Variants in WWP2 observed in about 807,000 individuals in gnomAD.
The protein encoded by WWP2 is NEDD4-like E3 ubiquitin-protein ligase WWP2.
A neutral mutation model predicts 121.0 loss-of-function variants in WWP2; 57 were observed. That is an observed-to-expected ratio of 0.47 (90% CI 0.38 to 0.59). The LOEUF (loss-of-function observed/expected upper bound fraction) is 0.59, where lower values mean the gene tolerates loss of function less well. Ranked by LOEUF, WWP2 falls within the 20% of genes least tolerant of loss-of-function variation. The pLI is 0.00. For synonymous variants in WWP2, 449 were observed against 441.3 expected, an observed-to-expected ratio of 1.02 and a Z score of -0.22; for missense variants, 962 against 1,158.9, an observed-to-expected ratio of 0.83 and a Z score of 2.47.
chr16:69,926,914 T>C (rs141284075), intron 11 of WWP2, among the ~76,000 whole-genome samples: 1 of 152,294 alleles, frequency 6.6e-6, no homozygotes, highest in African/African-American at 2.4e-5. Context: ...ACTTCTAGTG[T>C]ATTTCAGGCT....
intron 2 of WWP2, among the ~76,000 whole-genome samples, chr16:69,797,136 T>C (rs957798605): frequency 1.3e-5 from 2 of 152,178 alleles, no homozygotes; most frequent in Non-Finnish European, 2.9e-5. Flanking sequence ...TACACTAGGA[T>C]GTCTGTCTAG....
At chr16:69,804,527 T>A (rs569789825) in intron 4 of WWP2, among the ~76,000 whole-genome samples, 1 of 152,348 alleles carries the variant, frequency 6.6e-6, no homozygotes, top group South Asian at 2.1e-4. Flanking sequence ...TTAGGGACTT[T>A]CCATTGAATC....
At chr16:69,811,110 A>G (rs890887978) in intron 4 of WWP2, among the ~76,000 whole-genome samples, 4 of 152,210 alleles carry the variant, frequency 2.6e-5, no homozygotes, top group African/African-American at 9.6e-5. Flanking sequence ...AGCATGTTTC[A>G]TCTGTTCCCA....
chr16:69,869,152 T>G (rs1037332617), intron 6 of WWP2, among the ~76,000 whole-genome samples: 6 of 152,052 alleles, frequency 3.9e-5, no homozygotes, highest in Admixed American at 3.3e-4. Flanking sequence ...CCTCCCAAAG[T>G]GCTGGGATTA....
chr16:69,849,763 G>A (rs1162637369), intron 6 of WWP2, among the ~76,000 whole-genome samples: 1 of 151,788 alleles, frequency 6.6e-6, no homozygotes, highest in African/African-American at 2.4e-5. Context: ...AGTTATGATC[G>A]TGCCACTGCA....
At chr16:69,881,456 CT>C (rs1336835710) in intron 7 of WWP2, among the ~76,000 whole-genome samples, 1 of 152,180 alleles carries the variant, frequency 6.6e-6, no homozygotes, top group Non-Finnish European at 1.5e-5. Flanking sequence ...TGGGTTGGAT[CT>C]TGGAACAGAA....
intron 7 of WWP2, among the ~76,000 whole-genome samples, chr16:69,886,105 A>G (rs77882012): frequency 0.021 from 3,124 of 152,242 alleles, 45 homozygotes; most frequent in Non-Finnish European, 0.031. Context: ...TGATTGATTG[A>G]TGGGTCTCAC....
chr16:69,924,867 C>T, intron 10 of WWP2: 1 of 950,624 alleles, frequency 1.1e-6, no homozygotes, highest in South Asian at 4.8e-5. Flanking sequence ...CGCTGCACAC[C>T]CAGATGGGAG....
At chr16:69,791,548 G>A (rs2055911309) in intron 2 of WWP2, among the ~76,000 whole-genome samples, 1 of 151,400 alleles carries the variant, frequency 6.6e-6, no homozygotes, top group Non-Finnish European at 1.5e-5. Context: ...TTTTGAGACA[G>A]TCTTTCTCTG....
chr16:69,859,866 C>T (rs1409234985), intron 6 of WWP2, among the ~76,000 whole-genome samples: 1 of 151,190 alleles, frequency 6.6e-6, no homozygotes, highest in Non-Finnish European at 1.5e-5. Context: ...AGCACCGCCC[C>T]CCACCCCCGC....
intron 4 of WWP2, among the ~76,000 whole-genome samples, chr16:69,818,106 CT>C (rs2056529321): frequency 6.6e-6 from 1 of 151,824 alleles, no homozygotes; most frequent in African/African-American, 2.4e-5. Flanking sequence ...TGTTGTCAGT[CT>C]TTTTAACTTA....
intron 9 of WWP2, chr16:69,909,730 C>T: frequency 1.0e-6 from 1 of 973,070 alleles, no homozygotes; most frequent in Non-Finnish European, 1.2e-6. Context: ...AACAAAAAAA[C>T]AGGTTAAGTG....
At chr16:69,909,082 TAG>T (rs750686648) in intron 9 of WWP2, 6 of 1,310,194 alleles carry the variant, frequency 4.6e-6, no homozygotes, top group African/African-American at 1.5e-5. Flanking sequence ...GGCCAAGATT[TAG>T]AGTGTTGATG....
At chr16:69,780,416 T>C (rs1196353923) in intron 1 of WWP2, among the ~76,000 whole-genome samples, 1 of 152,244 alleles carries the variant, frequency 6.6e-6, no homozygotes, top group Non-Finnish European at 1.5e-5. Flanking sequence ...TTTTTACTAT[T>C]ACAAATACTG....
chr16:69,939,973 C>T lies in WWP2; in HGVS notation c.*33C>T. ...CGCCCCTCCCACGCCCCCCAGCGCA[C>T]ATGTAGTCCTGAGTCCTCCCTGCCT... On this transcript the variant is annotated 3_prime_UTR_variant, in exon 24 of 24. Coordinates refer to ENST00000359154, the MANE Select transcript of WWP2 (RefSeq NM_001270454.2). 6.3e-7 allele frequency: 1 copy of T among 1,580,160 alleles called. No individual in the cohort carries two copies. The highest frequency in any genetic ancestry group is 8.6e-7 in the Non-Finnish European group (1 of 1,156,280).
At chr16:69,849,464 G>GTTAT (rs746999045) in intron 6 of WWP2, among the ~76,000 whole-genome samples, 8,479 of 139,890 alleles carry the variant, frequency 0.061, 856 homozygotes, top group African/African-American at 0.21. Flanking sequence ...TGGAATAAGT[G>GTTAT]TTATTTATTT....
At chr16:69,801,906 G>A (rs759208366) in intron 4 of WWP2, among the ~76,000 whole-genome samples, 2 of 151,630 alleles carry the variant, frequency 1.3e-5, no homozygotes, top group African/African-American at 2.4e-5. Context: ...CTTTAAAAAT[G>A]TATCAATATA....
intron 6 of WWP2, among the ~76,000 whole-genome samples, chr16:69,861,645 CT>C (rs11390043): frequency 3.7e-4 from 50 of 136,036 alleles, no homozygotes; most frequent in Non-Finnish European, 4.2e-4. Context: ...CCGCCCTCTC[CT>C]TTTTTTTTTT....
rs116986479 is a variant in WWP2 at position 69,898,000 on chromosome 16, G to A, written c.914+9751G>A. The stretch of plus-strand genomic sequence containing the variant: ...CCTGTGCATGCCTTTTTGTGTATGT[G>A]GTTTTTTCTTTTTCTTTTCTTTCTT... On this transcript the variant is annotated intron_variant, in intron 8 of 23. Transcript: ENST00000359154. Among the ~76,000 whole-genome samples, 71 of 150,890 alleles carry A rather than the reference G, an allele frequency of 4.7e-4. 1 individual carries two copies. The East Asian group carries it at 0.014, about 30-fold the overall frequency.
Sources: allele counts gnomAD v4.1 joint callset (sites outside exome capture counted in the v4.1 genomes callset), GRCh38; gene constraint gnomAD v4.1.1; transcripts MANE v1.5; gene names NCBI Gene and HGNC (gene_info 2026-07-23, HGNC 2026-07-21).